The following NLGN1 variants were observed in gnomAD, a reference collection of about 807,000 sequenced individuals.
NLGN1 encodes neuroligin 1.
A neutral mutation model predicts 65.5 loss-of-function variants in NLGN1; 12 were observed. That is an observed-to-expected ratio of 0.18 (90% CI 0.12 to 0.30). NLGN1 has a LOEUF of 0.30. Ranked by LOEUF, NLGN1 falls within the 10% of genes least tolerant of loss-of-function variation. The pLI, the probability that NLGN1 is intolerant of heterozygous loss-of-function variation, is 1.00. For synonymous variants in NLGN1, 350 were observed against 359.5 expected (o/e 0.97, Z 0.30); for missense variants, 750 against 1,007.1 (o/e 0.74, Z 3.46).
intron 3 of NLGN1, among the ~76,000 whole-genome samples, chr3:173,727,464 G>A (rs1402699703): frequency 1.3e-5 from 2 of 152,104 alleles, no homozygotes; most frequent in Admixed American, 6.6e-5. Flanking sequence ...CCACTGACGT[G>A]CTAGAGTTGT....
chr3:173,427,572 TG>T (rs1482116414), intron 1 of NLGN1, among the ~76,000 whole-genome samples: 3 of 151,994 alleles, frequency 2.0e-5, no homozygotes, highest in Admixed American at 2.0e-4. Context: ...ATTGACCCAT[TG>T]GTTTTTCAAG....
intron 3 of NLGN1, among the ~76,000 whole-genome samples, chr3:173,692,470 A>G (rs1765614039): frequency 6.6e-6 from 1 of 152,136 alleles, no homozygotes; most frequent in Admixed American, 6.6e-5. Context: ...ATAATCAGTT[A>G]TGTCTTTGAA....
chr3:173,944,204 A>C (rs889793926), intron 4 of NLGN1, among the ~76,000 whole-genome samples: 3 of 150,744 alleles, frequency 2.0e-5, no homozygotes, highest in Non-Finnish European at 2.9e-5. Context: ...TCCCGAAAGG[A>C]GGCATTGTAT....
At chr3:173,437,575 G>T (rs73883150) in intron 2 of NLGN1, among the ~76,000 whole-genome samples, 1,982 of 152,226 alleles carry the variant, frequency 0.013, 44 homozygotes, top group African/African-American at 0.046. Flanking sequence ...CTTGGAGCTG[G>T]TTCTCTGACT....
chr3:173,881,586 G>C (rs1226724874), intron 4 of NLGN1, among the ~76,000 whole-genome samples: 2 of 151,508 alleles, frequency 1.3e-5, no homozygotes, highest in South Asian at 4.2e-4. Flanking sequence ...CACCACGCCT[G>C]GCTAATTTTT....
intron 2 of NLGN1, among the ~76,000 whole-genome samples, chr3:173,447,008 G>C (rs1167323022): frequency 6.6e-6 from 1 of 152,116 alleles, no homozygotes; most frequent in Middle Eastern, 3.2e-3. Context: ...CTCCCATTCT[G>C]TAGGTTGCCT....
intron 3 of NLGN1, among the ~76,000 whole-genome samples, chr3:173,782,345 G>C (rs919318751): frequency 6.6e-6 from 1 of 152,160 alleles, no homozygotes; most frequent in South Asian, 2.1e-4. Flanking sequence ...AAAGGCGCGG[G>C]TAATGTAAAT....
intron 4 of NLGN1, among the ~76,000 whole-genome samples, chr3:174,148,314 A>G (rs1350182882): frequency 2.6e-5 from 4 of 152,208 alleles, no homozygotes; most frequent in African/African-American, 4.8e-5. Context: ...AGATAATACA[A>G]TCCTACAGAA....
intron 4 of NLGN1, among the ~76,000 whole-genome samples, chr3:173,955,198 T>A (rs984885018): frequency 9.2e-5 from 14 of 152,170 alleles, no homozygotes; most frequent in Non-Finnish European, 2.1e-4. Context: ...CCACTTATAA[T>A]ATAAAAATCA....
intron 3 of NLGN1, among the ~76,000 whole-genome samples, chr3:173,671,564 A>C (rs1012409246): frequency 2.0e-4 from 31 of 152,190 alleles, no homozygotes; most frequent in Non-Finnish European, 2.9e-5. Flanking sequence ...ACAATTGACT[A>C]TACTTTTACT....
At chr3:173,676,697 T>C (rs1763217335) in intron 3 of NLGN1, among the ~76,000 whole-genome samples, 2 of 152,148 alleles carry the variant, frequency 1.3e-5, no homozygotes, top group African/African-American at 2.4e-5. Flanking sequence ...CTGGAAATAT[T>C]AAGTAAATAT....
At chr3:173,615,196 C>T (rs1183647063) in intron 3 of NLGN1, among the ~76,000 whole-genome samples, 1 of 151,962 alleles carries the variant, frequency 6.6e-6, no homozygotes, top group Non-Finnish European at 1.5e-5. Context: ...GCAAGTGGTG[C>T]TTTTATCAAT....
chr3:173,902,956 C>T (rs1737648258), intron 4 of NLGN1, among the ~76,000 whole-genome samples: 1 of 152,050 alleles, frequency 6.6e-6, no homozygotes, highest in African/African-American at 2.4e-5. Context: ...AATAAAAGTA[C>T]CATGTGTTTA....
chr3:173,520,664 A>C (rs1049691384), intron 2 of NLGN1, among the ~76,000 whole-genome samples: 1 of 152,240 alleles, frequency 6.6e-6, no homozygotes, highest in Non-Finnish European at 1.5e-5. Context: ...TGCAGGATGC[A>C]TAACAGGTAG....
intron 4 of NLGN1, among the ~76,000 whole-genome samples, chr3:173,918,019 C>T (rs1486648587): frequency 6.6e-6 from 1 of 152,064 alleles, no homozygotes; most frequent in Non-Finnish European, 1.5e-5. Context: ...AGTAAGAACA[C>T]GTACCTCTAA....
intron 2 of NLGN1, among the ~76,000 whole-genome samples, chr3:173,554,473 CTCAG>C (rs1036837622): frequency 3.4e-4 from 52 of 152,194 alleles, no homozygotes; most frequent in Admixed American, 3.1e-3. Context: ...GCATTTTTTT[CTCAG>C]TCAGTTTGTA....
intron 2 of NLGN1, among the ~76,000 whole-genome samples, chr3:173,603,404 TA>T (rs1324106853): frequency 2.6e-5 from 4 of 152,006 alleles, no homozygotes; most frequent in South Asian, 2.1e-4. Context: ...TAGGTATGAT[TA>T]TTTTTTTAAT....
chr3:173,566,313 C>T (rs1743650374), intron 2 of NLGN1, among the ~76,000 whole-genome samples: 1 of 152,142 alleles, frequency 6.6e-6, no homozygotes, highest in South Asian at 2.1e-4. Context: ...AGGCATTGTT[C>T]TTGACCTTCC....
intron 3 of NLGN1, among the ~76,000 whole-genome samples, chr3:173,675,714 G>T (rs1438061943): frequency 6.6e-6 from 1 of 151,940 alleles, no homozygotes; most frequent in Non-Finnish European, 1.5e-5. Context: ...AGGTGGATGT[G>T]GTTATAGAAA....
Sources: gnomAD v4.1 joint callset for allele counts (sites outside exome capture counted in the v4.1 genomes callset) on GRCh38, gnomAD v4.1.1 for gene constraint, MANE v1.5 for transcripts, NCBI Gene and HGNC (gene_info 2026-07-23, HGNC 2026-07-21) for gene names.